The following SERTAD1 variants were observed in gnomAD, a reference collection of about 807,000 sequenced individuals.
SERTAD1 encodes the protein SERTA domain containing 1, also known as SERTA domain-containing protein 1.
Under a neutral mutation model 11.7 loss-of-function variants are expected in SERTAD1, and 5 were observed. The observed-to-expected ratio is 0.43, with a 90% CI of 0.22 to 0.90. The LOEUF (loss-of-function observed/expected upper bound fraction) is 0.90. Ranked by LOEUF, SERTAD1 falls within the 40% of genes least tolerant of loss-of-function variation. The pLI is 0.27. For missense variants in SERTAD1, 287 were observed against 313.9 expected (o/e 0.91, Z 0.65); for synonymous variants, 139 against 141.4 (o/e 0.98, Z 0.12).
In SERTAD1 at chr19:40,423,283, T is replaced by A; in HGVS notation, c.264A>T (p.Pro88=). ...GGGCTGCAGGTGGGCTAGGCACAGG[T>A]GGCAGGGCAGCCGCGGGTGCCATGG... ...QASMAPAAAL[P]PVPSPPAAPS... Residue 88 remains proline (P), a synonymous_variant, in exon 2 of 2, where the codon CCA becomes CCT. Transcript: ENST00000357949. 1 of 1,608,152 alleles carries A rather than the reference T, an allele frequency of 6.2e-7. No homozygotes were observed. Among genetic ancestry groups the A allele is most frequent in the Non-Finnish European group, 8.5e-7 (1 of 1,177,048 alleles).
At chr19:40,424,468 TACTAA>T (rs1416727417) in intron 1 of SERTAD1, among the ~76,000 whole-genome samples, 1 of 152,120 alleles carries the variant, frequency 6.6e-6, no homozygotes, top group Non-Finnish European at 1.5e-5. Context: ...ATATTATAAA[TACTAA>T]ACTAGTTTCA....
In SERTAD1 at chr19:40,422,501, T is replaced by C. The variant is rs2079601653; in HGVS notation, c.*335A>G. ...GCCCAGAGACAAAGCAGCACACGGATTTGAGATTTCCCAGGACTGGCTTTA... is the reference window on the plus strand; with the variant it reads ...GCCCAGAGACAAAGCAGCACACGGACTTGAGATTTCCCAGGACTGGCTTTA... On this transcript the variant is annotated 3_prime_UTR_variant, in exon 2 of 2. Coordinates refer to ENST00000357949, the MANE Select transcript of SERTAD1 (RefSeq NM_013376.4). 6.7e-6 allele frequency: 2 copies of C among 299,944 alleles called. No individual in the cohort carries two copies. The highest frequency in any genetic ancestry group is 1.8e-4 in the South Asian group (2 of 11,140). 18.6% of individuals were successfully genotyped at this position (299,944 alleles called of 1,614,324 possible).
chr19:40,423,436 G>A lies in SERTAD1; in HGVS notation c.111C>T (p.Pro37=). 1 of 1,613,216 alleles carries A rather than the reference G, an allele frequency of 6.2e-7. No homozygotes were observed. Among genetic ancestry groups the A allele is most frequent in the Non-Finnish European group, 8.5e-7 (1 of 1,180,038 alleles). The change falls in exon 2 of 2, where the codon CCC becomes CCT. Residue 37 remains proline, a synonymous_variant. Transcript: ENST00000357949. The part of the protein sequence containing the change: ...DPGHTAVAQA[P]PAVASSSLFD... The stretch of plus-strand genomic sequence containing the variant: ...AGAGGGAGCTAGAGGCCACGGCCGG[G>A]GGTGCCTGTGCCACCGCTGTGTGGC...
chr19:40,424,996 T>TG (rs911205879), intron 1 of SERTAD1, among the ~76,000 whole-genome samples: 2 of 151,940 alleles, frequency 1.3e-5, no homozygotes, highest in African/African-American at 2.4e-5. Context: ...AGGAAGACTG[T>TG]GGGGGGCAAA....
chr19:40,422,840 C>A lies in SERTAD1; in HGVS notation c.707G>T (p.Arg236Leu). 2 of 1,594,270 alleles carry A rather than the reference C, an allele frequency of 1.3e-6. No individual in the cohort carries two copies. Among genetic ancestry groups the A allele is most frequent in the Non-Finnish European group, 1.7e-6 (2 of 1,168,722 alleles). Residue 236 changes from arginine (R) to leucine (L), a missense_variant, in exon 2 of 2, where the codon CGC becomes CTC. Arg to Leu is a moderately radical substitution (Grantham distance 102). Transcript: ENST00000357949. ...QALERPPGPG[R>L] ...CAACCATTCCAGCACGAGGGCTCAG[C>A]GCCCTGGCCCCGGCGGTCGCTCCAG...
Position 40,423,118 on chromosome 19 carries a change from A to G in SERTAD1, c.429T>C (p.Arg143=). 1 of 1,600,670 alleles carries G rather than the reference A, an allele frequency of 6.2e-7. No homozygotes were observed. The highest frequency in any genetic ancestry group is 8.5e-7 in the Non-Finnish European group (1 of 1,174,266). ...QPLADEGPPG[R]SIGGAAPSLG... ...GGCTGGGCGCTGCTCCCCCGATGCT[A>G]CGGCCTGGTGGCCCCTCGTCTGCCA... is the stretch of plus-strand genomic sequence containing the variant. The change falls in exon 2 of 2, where the codon CGT becomes CGC. Residue 143 remains arginine, a synonymous_variant. Coordinates refer to ENST00000357949, the MANE Select transcript of SERTAD1 (RefSeq NM_013376.4).
intron 1 of SERTAD1, among the ~76,000 whole-genome samples, 190 bp from the exon 2 acceptor site, chr19:40,423,736 A>AT (rs1442017155): frequency 2.0e-5 from 3 of 152,044 alleles, no homozygotes; most frequent in Admixed American, 6.6e-5. Context: ...ATATTTATAG[A>AT]TTTTTTTTGA....
chr19:40,425,174 G>T (rs1455802780), intron 1 of SERTAD1, among the ~76,000 whole-genome samples: 1 of 152,136 alleles, frequency 6.6e-6, no homozygotes, highest in Non-Finnish European at 1.5e-5. Context: ...TCGGCACCGG[G>T]TTCAGTCACT....
rs755864752 is a variant in SERTAD1 at position 40,423,266 on chromosome 19, G to A, written c.281C>T (p.Pro94Leu). Residue 94 changes from proline to leucine, a missense_variant, in exon 2 of 2, where the codon CCT (proline) becomes CTT (leucine). By Grantham distance (98) the Pro-to-Leu change is moderately conservative. Coordinates refer to ENST00000357949, the MANE Select transcript of SERTAD1 (RefSeq NM_013376.4). ...GTTGTCAGCCACACTGGGGGCTGCA[G>A]GTGGGCTAGGCACAGGTGGCAGGGC... ...AAALPPVPSP[P>L]AAPSVADNLL... 6.2e-7 allele frequency: 1 copy of A among 1,608,148 alleles called. No individual in the cohort carries two copies. Among genetic ancestry groups the A allele is most frequent in the Non-Finnish European group, 8.5e-7 (1 of 1,176,700 alleles).
chr19:40,425,016 G>T (rs904419049), intron 1 of SERTAD1, among the ~76,000 whole-genome samples: 4 of 152,118 alleles, frequency 2.6e-5, no homozygotes, highest in African/African-American at 9.7e-5. Context: ...AAAGAGGGGG[G>T]ATCTGAGACC....
rs540762016 is a variant in SERTAD1, at chr19:40,423,310, C to T, written c.237G>A (p.Ala79=). Residue 79 remains alanine, a synonymous_variant, in exon 2 of 2, where the codon GCG becomes GCA. Coordinates refer to ENST00000357949, the MANE Select transcript of SERTAD1 (RefSeq NM_013376.4). Reference sequence around the variant, plus strand: ...GCAGGGCAGCCGCGGGTGCCATGGACGCCTGGATGCGCCGCAGAGTGTTCA... The same window carrying T: ...GCAGGGCAGCCGCGGGTGCCATGGATGCCTGGATGCGCCGCAGAGTGTTCA... ...LVVNTLRRIQ[A]SMAPAAALPP... The T allele has an allele frequency of 7.4e-5, 119 of 1,609,134 alleles. 2 individuals carry two copies. In the South Asian group the frequency reaches 1.0e-3, roughly 14 times the overall value.
intron 1 of SERTAD1, 22 bp from the exon 2 acceptor site, chr19:40,423,568 GGA>G: frequency 7.0e-7 from 1 of 1,428,016 alleles, no homozygotes; most frequent in Non-Finnish European, 9.6e-7. Flanking sequence ...AGGGAGTTAT[GGA>G]GTTATAGTCA....
chr19:40,422,506 G>A lies in SERTAD1; in HGVS notation c.*330C>T. On this transcript the variant is annotated 3_prime_UTR_variant, in exon 2 of 2. Coordinates refer to ENST00000357949, the MANE Select transcript of SERTAD1 (RefSeq NM_013376.4). ...GAGACAAAGCAGCACACGGATTTGA[G>A]ATTTCCCAGGACTGGCTTTAATTTG... is the stretch of plus-strand genomic sequence containing the variant. 1 of 319,482 alleles carries A rather than the reference G, an allele frequency of 3.1e-6. No homozygotes were observed. The highest frequency in any genetic ancestry group is 2.1e-5 in the African/African-American group (1 of 46,870). The allele number at this position is 319,482 out of a possible 1,614,324, so 19.8% of individuals were successfully genotyped here.
In SERTAD1 at chr19:40,423,042, C is replaced by A; in HGVS notation, c.505G>T (p.Gly169Trp). Residue 169 changes from glycine to tryptophan, a missense_variant, in exon 2 of 2, where the codon GGG (glycine) becomes TGG (tryptophan). Coordinates refer to ENST00000357949, the MANE Select transcript of SERTAD1 (RefSeq NM_013376.4). ...GPATGCLLDD[G>W]LEGLFEDIDT... is the part of the protein sequence containing the mutation. ...ATATCCTCAAACAGGCCCTCAAGCC[C>A]ATCGTCCAGTAGACAGCCAGTGGCT... The A allele has an allele frequency of 6.3e-7, 1 of 1,576,254 alleles. No individual in the cohort carries two copies.
chr19:40,423,534 C>T lies in SERTAD1; in HGVS notation c.13G>A (p.Gly5Ser). 1 of 1,592,396 alleles carries T rather than the reference C, an allele frequency of 6.3e-7. No homozygotes were observed. Among genetic ancestry groups the T allele is most frequent in the Non-Finnish European group, 8.6e-7 (1 of 1,167,170 alleles). MLSKGLKRKREEEEE... is the reference protein window; with the variant it reads MLSKSLKRKREEEEE... ...TCCTCCTCCCGTTTCCGCTTCAGAC[C>T]CTTGCTCAGCATCTGCAGAGGGCAG... is the stretch of plus-strand genomic sequence containing the variant. The change falls in exon 2 of 2, where the codon GGT (glycine) becomes AGT (serine). Residue 5 changes from glycine (G) to serine (S), a missense_variant. Gly to Ser is a moderately conservative substitution (Grantham distance 56). Coordinates refer to ENST00000357949, the MANE Select transcript of SERTAD1 (RefSeq NM_013376.4).
chr19:40,422,630 C>T lies in SERTAD1; in HGVS notation c.*206G>A. 1 of 576,814 alleles carries T rather than the reference C, an allele frequency of 1.7e-6. No individual in the cohort carries two copies. Among genetic ancestry groups the T allele is most frequent in the Non-Finnish European group, 3.0e-6 (1 of 333,462 alleles). 35.7% of individuals were successfully genotyped at this position (576,814 alleles called of 1,614,324 possible). On this transcript the variant is annotated 3_prime_UTR_variant, in exon 2 of 2. Coordinates refer to ENST00000357949, the MANE Select transcript of SERTAD1 (RefSeq NM_013376.4). ...CAGTCCCCACCAGACCCTGTCATTC[C>T]ATCACTAGGGGGTAATTCCAGGCTC...
Position 40,423,399 on chromosome 19 carries a change from C to A in SERTAD1, c.148G>T (p.Val50Leu), listed in dbSNP as rs757067120. The A allele has an allele frequency of 6.2e-7, 1 of 1,613,344 alleles. No homozygotes were observed. The highest frequency in any genetic ancestry group is 1.3e-5 in the African/African-American group (1 of 74,944). Residue 50 changes from valine to leucine, a missense_variant, in exon 2 of 2, where the codon GTG (valine) becomes TTG (leucine). Physicochemically the swap from Val to Leu is conservative, Grantham distance 32 (BLOSUM62 1). Transcript: ENST00000357949. ...TGCAGGCTGTGGTGGAGCTTGAGCA[C>A]TGAGAGGTCAAAGAGGGAGCTAGAG... ...VASSSLFDLSVLKLHHSLQQS... is the reference protein window; with the variant it reads ...VASSSLFDLSLLKLHHSLQQS...
Position 40,423,290 on chromosome 19 carries a change from G to A in SERTAD1, c.257C>T (p.Ala86Val). The change falls in exon 2 of 2, where the codon GCC becomes GTC. Residue 86 changes from alanine (A) to valine (V), a missense_variant. Coordinates refer to ENST00000357949, the MANE Select transcript of SERTAD1 (RefSeq NM_013376.4). ...AGGTGGGCTAGGCACAGGTGGCAGG[G>A]CAGCCGCGGGTGCCATGGACGCCTG... is the stretch of plus-strand genomic sequence containing the variant. Reference protein sequence around the residue: ...RIQASMAPAAALPPVPSPPAA... With the variant: ...RIQASMAPAAVLPPVPSPPAA... 1 of 1,607,760 alleles carries A rather than the reference G, an allele frequency of 6.2e-7. No homozygotes were observed. Among genetic ancestry groups the A allele is most frequent in the Non-Finnish European group, 8.5e-7 (1 of 1,176,926 alleles).
chr19:40,423,613 G>A, intron 1 of SERTAD1, 67 bp from the exon 2 acceptor site: 1 of 1,032,326 alleles, frequency 9.7e-7, no homozygotes, highest in South Asian at 1.5e-5. Context: ...TTCAAAGCCT[G>A]GATCTGACAG....
Sources: allele counts gnomAD v4.1 joint callset (sites outside exome capture counted in the v4.1 genomes callset), GRCh38; gene constraint gnomAD v4.1.1; transcripts MANE v1.5; gene names NCBI Gene and HGNC (gene_info 2026-07-23, HGNC 2026-07-21).